The following TRPM3 variants were observed in gnomAD, a reference collection of about 807,000 sequenced individuals.
The protein encoded by TRPM3 is transient receptor potential cation channel subfamily M member 3.
Under a neutral mutation model 181.2 loss-of-function variants are expected in TRPM3, and 77 were observed. The observed-to-expected ratio is 0.42, with a 90% CI of 0.35 to 0.51. The LOEUF (loss-of-function observed/expected upper bound fraction) is 0.51. TRPM3 is among the 20% of genes least tolerant of loss of function. The pLI, the probability that TRPM3 is intolerant of heterozygous loss-of-function variation, is 0.01. For missense variants in TRPM3, 1,759 were observed against 2,196.7 expected, an observed-to-expected ratio of 0.80 and a Z score of 3.98; for synonymous variants, 745 against 796.4, an observed-to-expected ratio of 0.94 and a Z score of 1.09.
intron 1 of TRPM3, among the ~76,000 whole-genome samples, chr9:71,391,074 G>T (rs1374066275): frequency 6.6e-6 from 1 of 151,910 alleles, no homozygotes; most frequent in Non-Finnish European, 1.5e-5. Flanking sequence ...ATTTTCCCGA[G>T]TCTTGATGAT....
At chr9:71,425,104 G>A (rs116125273) in intron 1 of TRPM3, among the ~76,000 whole-genome samples, 1 of 151,942 alleles carries the variant, frequency 6.6e-6, no homozygotes, top group African/African-American at 2.4e-5. Context: ...ATATGTCTCT[G>A]GTTTTTCTTT....
Position 70,535,443 on chromosome 9 carries a change from G to A in TRPM3, c.*510C>T. The A allele has an allele frequency of 1.3e-6, 2 of 1,550,572 alleles. No individual in the cohort carries two copies. The highest frequency in any genetic ancestry group is 1.7e-6 in the Non-Finnish European group (2 of 1,147,002). ...TTGCTGCCGGCTTATACTGAATAAA[G>A]AGGATGCTCTTCATCAGTCACCAGT... On this transcript the variant is annotated 3_prime_UTR_variant, in exon 26 of 26. Transcript: ENST00000677713.
At chr9:71,410,820 C>T (rs532658832) in intron 1 of TRPM3, among the ~76,000 whole-genome samples, 7 of 152,226 alleles carry the variant, frequency 4.6e-5, no homozygotes, top group African/African-American at 1.4e-4. Flanking sequence ...AATTTTAGAC[C>T]AATACTCCTG....
At chr9:71,116,547 T>C (rs554457407) in intron 1 of TRPM3, among the ~76,000 whole-genome samples, 2 of 152,314 alleles carry the variant, frequency 1.3e-5, no homozygotes, top group South Asian at 2.1e-4. Flanking sequence ...AGAAAGAACA[T>C]TGGTTATCAT....
chr9:70,992,364 A>G (rs2097495940), intron 1 of TRPM3, among the ~76,000 whole-genome samples: 1 of 152,142 alleles, frequency 6.6e-6, no homozygotes, highest in African/African-American at 2.4e-5. Context: ...CTACACTCCA[A>G]ATATTAGTGA....
chr9:70,877,536 T>C (rs750531898), intron 1 of TRPM3, among the ~76,000 whole-genome samples: 2 of 151,946 alleles, frequency 1.3e-5, no homozygotes, highest in Non-Finnish European at 2.9e-5. Flanking sequence ...GATTGTTTTA[T>C]TTGATAATGT....
intron 1 of TRPM3, among the ~76,000 whole-genome samples, chr9:71,337,735 T>C (rs1317943217): frequency 6.6e-6 from 1 of 152,186 alleles, no homozygotes; most frequent in Non-Finnish European, 1.5e-5. Context: ...ATGTACACTA[T>C]GGAATACTAT....
intron 1 of TRPM3, among the ~76,000 whole-genome samples, chr9:71,437,018 A>G (rs931409557): frequency 6.6e-5 from 10 of 152,204 alleles, no homozygotes; most frequent in African/African-American, 1.9e-4. Context: ...AATGGGTCAA[A>G]TATTTTCTTC....
At chr9:70,602,829 C>G (rs908492324) in intron 20 of TRPM3, among the ~76,000 whole-genome samples, 1 of 152,180 alleles carries the variant, frequency 6.6e-6, no homozygotes, top group Non-Finnish European at 1.5e-5. Flanking sequence ...GTTCAGTTCA[C>G]CTTGGTGGTC....
intron 1 of TRPM3, among the ~76,000 whole-genome samples, chr9:70,942,301 T>C (rs1281997361): frequency 6.6e-6 from 1 of 152,172 alleles, no homozygotes; most frequent in South Asian, 2.1e-4. Context: ...ACACACACCG[T>C]TGAATTAATC....
rs915536224 is a variant in TRPM3 at position 70,932,530 on chromosome 9, T to G, written c.178-68019A>C. 3.9e-5 allele frequency among the ~76,000 whole-genome samples: 6 copies of G among 152,266 alleles called. No individual in the cohort carries two copies. In the South Asian group the frequency reaches 8.3e-4, roughly 21 times the overall value. On this transcript the variant is annotated intron_variant, in intron 1 of 25. Transcript: ENST00000677713. ...GAATAATTAAGGTCTGAGCTAAAAT[T>G]CTCTGAAGGAAGATAATAGGCCCAG...
chr9:71,308,782 T>C (rs1275715225), intron 1 of TRPM3, among the ~76,000 whole-genome samples: 1 of 142,150 alleles, frequency 7.0e-6, no homozygotes. Context: ...CAGTTGCTTC[T>C]GGCTGAGACT....
intron 1 of TRPM3, among the ~76,000 whole-genome samples, chr9:71,035,003 C>T (rs1478720474): frequency 6.6e-6 from 1 of 152,050 alleles, no homozygotes. Context: ...ACTGTTTCCT[C>T]GAGCTTATTC....
intron 1 of TRPM3, among the ~76,000 whole-genome samples, chr9:71,007,324 A>C (rs983380481): frequency 6.6e-6 from 1 of 152,146 alleles, no homozygotes; most frequent in African/African-American, 2.4e-5. Context: ...AGAGACAGAC[A>C]AACATCACAG....
At chr9:71,348,825 C>T (rs1471350248) in intron 1 of TRPM3, among the ~76,000 whole-genome samples, 1 of 152,110 alleles carries the variant, frequency 6.6e-6, no homozygotes, top group Non-Finnish European at 1.5e-5. Context: ...CCCACCTAAT[C>T]CTCCCAAAGT....
chr9:70,645,237 G>A (rs2058652840), intron 9 of TRPM3, among the ~76,000 whole-genome samples: 1 of 152,154 alleles, frequency 6.6e-6, no homozygotes, highest in Admixed American at 6.5e-5. Context: ...CCAAAAAAGA[G>A]CCTGCATAAC....
chr9:70,639,560 T>A (rs534165291), intron 10 of TRPM3, among the ~76,000 whole-genome samples: 1 of 152,288 alleles, frequency 6.6e-6, no homozygotes, highest in East Asian at 1.9e-4. Context: ...TTTGCTGTCT[T>A]CATTTTTGTT....
At chr9:70,961,614 T>A (rs539433305) in intron 1 of TRPM3, among the ~76,000 whole-genome samples, 5 of 152,180 alleles carry the variant, frequency 3.3e-5, no homozygotes, top group African/African-American at 1.2e-4. Context: ...CTCTTACTCA[T>A]AGGCAGTATT....
chr9:71,277,418 AAT>A (rs1254205785), intron 1 of TRPM3, among the ~76,000 whole-genome samples: 1 of 152,236 alleles, frequency 6.6e-6, no homozygotes, highest in African/African-American at 2.4e-5. Flanking sequence ...ATTCAATAAA[AAT>A]AGTTTTGTTT....
Sources: allele counts gnomAD v4.1 joint callset (sites outside exome capture counted in the v4.1 genomes callset), GRCh38; gene constraint gnomAD v4.1.1; transcripts MANE v1.5; gene names NCBI Gene and HGNC (gene_info 2026-07-23, HGNC 2026-07-21).